PDE7B: variants seen among roughly 807,000 people sequenced by gnomAD.
PDE7B encodes phosphodiesterase 7B.
A neutral mutation model predicts 56.2 loss-of-function variants in PDE7B; 29 were observed. The observed-to-expected ratio is 0.52, with a 90% CI of 0.38 to 0.70. PDE7B has a LOEUF of 0.70. PDE7B is among the 30% of genes least tolerant of loss of function. PDE7B has a pLI of 0.00. For missense variants in PDE7B, 490 were observed against 565.0 expected (o/e 0.87, Z 1.35); for synonymous variants, 197 against 196.9 (o/e 1.00, Z 0.00).
chr6:135,980,067 A>G (rs952159872), intron 2 of PDE7B, among the ~76,000 whole-genome samples: 2 of 152,192 alleles, frequency 1.3e-5, no homozygotes, highest in African/African-American at 4.8e-5. Context: ...TAACCAAAAC[A>G]GCATGGTACT....
chr6:135,882,854 C>G lies in PDE7B; in HGVS notation c.21+30835C>G, dbSNP rs541984993. On this transcript the variant is annotated intron_variant, in intron 1 of 12. Transcript: ENST00000308191. The stretch of plus-strand genomic sequence containing the variant: ...AGACCTGAATATTTCACTAGATGGC[C>G]GGTAGTTTTATGGTTCCCATTATTA... Among the ~76,000 whole-genome samples the G allele has an allele frequency of 3.3e-3, 504 of 152,232 alleles. 3 individuals carry two copies. The highest frequency in any genetic ancestry group is 0.022 in the South Asian group (106 of 4,822).
chr6:136,137,357 A>G lies in PDE7B; in HGVS notation c.167-9994A>G, dbSNP rs537996758. 1.1e-4 allele frequency among the ~76,000 whole-genome samples: 17 copies of G among 152,276 alleles called. No homozygotes were observed. The South Asian group carries it at 3.5e-3, about 32-fold the overall frequency. On this transcript the variant is annotated intron_variant, in intron 3 of 12. Transcript: ENST00000308191. ...AAATTTTATTAGAATTACTAGCTCA[A>G]TAATTATCAAAGTAGGGCTTAATAA...
chr6:136,008,986 T>C (rs1450609185), intron 2 of PDE7B, among the ~76,000 whole-genome samples: 1 of 151,846 alleles, frequency 6.6e-6, no homozygotes, highest in African/African-American at 2.4e-5. Flanking sequence ...TTTAAGTCTT[T>C]AATCCATCTT....
intron 1 of PDE7B, among the ~76,000 whole-genome samples, chr6:135,916,392 C>CTTTTTTTTTTTTTTTTTTTTTTCTTTT (rs566408380): frequency 1.0e-5 from 1 of 96,346 alleles, no homozygotes; most frequent in Non-Finnish European, 1.9e-5. Context: ...TCTTTTCTTT[C>CTTTTTTTTTTTTTTTTTTTTTTCTTTT]TTTTTTTTTT....
At chr6:135,909,608 CAAATAAATAAATAAT>C (rs143122211) in intron 1 of PDE7B, among the ~76,000 whole-genome samples, 47,100 of 151,710 alleles carry the variant, frequency 0.31, 8,194 homozygotes, top group Middle Eastern at 0.42. Flanking sequence ...CCTGTCTCCA[CAAATAAATAAATAAT>C]AAATAAATAA....
intron 3 of PDE7B, among the ~76,000 whole-genome samples, chr6:136,118,756 A>G (rs1777879323): frequency 6.6e-6 from 1 of 152,174 alleles, no homozygotes; most frequent in Admixed American, 6.5e-5. Flanking sequence ...TTCCTTTTAA[A>G]TATTTTTTAT....
intron 2 of PDE7B, among the ~76,000 whole-genome samples, chr6:136,005,619 G>C (rs1459885926): frequency 6.6e-6 from 1 of 152,182 alleles, no homozygotes; most frequent in Non-Finnish European, 1.5e-5. Context: ...CACCTTCACT[G>C]GCCATCAGAG....
At chr6:135,857,387 A>G (rs1417786828) in intron 1 of PDE7B, among the ~76,000 whole-genome samples, 1 of 152,208 alleles carries the variant, frequency 6.6e-6, no homozygotes, top group East Asian at 1.9e-4. Context: ...GAAGTGCTCA[A>G]AAAAGGATTC....
At chr6:136,069,417 T>C (rs1777007684) in intron 2 of PDE7B, among the ~76,000 whole-genome samples, 1 of 152,184 alleles carries the variant, frequency 6.6e-6, no homozygotes, top group South Asian at 2.1e-4. Context: ...TAATCAGTAG[T>C]GAATGCATCC....
chr6:136,107,481 C>G lies in PDE7B; in HGVS notation c.83-1250C>G, dbSNP rs925849246. Among the ~76,000 whole-genome samples, 5 of 151,854 alleles carry G rather than the reference C, an allele frequency of 3.3e-5. No individual in the cohort carries two copies. The South Asian group carries it at 1.0e-3, about 31-fold the overall frequency. On this transcript the variant is annotated intron_variant, in intron 2 of 12. Coordinates refer to ENST00000308191, the MANE Select transcript of PDE7B (RefSeq NM_018945.4). ...CACTTAGAATCCACTAAGTACCAGA[C>G]AGCATTCAAAGTGCTATTATGGAGA...
At chr6:135,934,543 G>A (rs1233602093) in intron 1 of PDE7B, among the ~76,000 whole-genome samples, 2 of 150,612 alleles carry the variant, frequency 1.3e-5, no homozygotes, top group African/African-American at 2.4e-5. Flanking sequence ...TCTGGCCAAC[G>A]TGGTGAAACT....
At chr6:136,051,724 T>C (rs1053716745) in intron 2 of PDE7B, among the ~76,000 whole-genome samples, 4 of 152,248 alleles carry the variant, frequency 2.6e-5, no homozygotes, top group African/African-American at 9.6e-5. Flanking sequence ...TCTACGGCCA[T>C]GTAATGTCTT....
chr6:136,168,311 A>C (rs1778827480), intron 8 of PDE7B, among the ~76,000 whole-genome samples: 1 of 152,164 alleles, frequency 6.6e-6, no homozygotes, highest in Middle Eastern at 3.2e-3. Context: ...ATTGAACGTC[A>C]AGCTAAGGAA....
chr6:135,932,006 A>G (rs1024785283), intron 1 of PDE7B, among the ~76,000 whole-genome samples: 4 of 152,068 alleles, frequency 2.6e-5, no homozygotes, highest in Admixed American at 6.6e-5. Flanking sequence ...CTATTCCAAA[A>G]GCAGAGCCGA....
intron 2 of PDE7B, among the ~76,000 whole-genome samples, chr6:136,047,054 C>G (rs1416741960): frequency 6.6e-6 from 1 of 152,172 alleles, no homozygotes; most frequent in African/African-American, 2.4e-5. Context: ...AACATTATCT[C>G]TATCACACAC....
intron 1 of PDE7B, among the ~76,000 whole-genome samples, chr6:135,926,565 T>C (rs777989557): frequency 1.3e-5 from 2 of 152,014 alleles, no homozygotes; most frequent in African/African-American, 2.4e-5. Flanking sequence ...ACCCCGGGTA[T>C]AGGGAGAGCA....
chr6:135,855,044 TG>T (rs1775000637), intron 1 of PDE7B, among the ~76,000 whole-genome samples: 1 of 152,186 alleles, frequency 6.6e-6, no homozygotes, highest in African/African-American at 2.4e-5. Context: ...ACAGAGGTAG[TG>T]AACCAAGGTG....
At chr6:136,151,912 C>T (rs1361339128) in intron 6 of PDE7B, among the ~76,000 whole-genome samples, 1 of 151,874 alleles carries the variant, frequency 6.6e-6, no homozygotes, top group Non-Finnish European at 1.5e-5. Context: ...TGCACTCCAG[C>T]CTGGGCGACA....
At chr6:135,944,504 T>A (rs141137245) in intron 1 of PDE7B, among the ~76,000 whole-genome samples, 122 of 152,142 alleles carry the variant, frequency 8.0e-4, no homozygotes, top group African/African-American at 2.9e-3. Flanking sequence ...ATTAAAGAGC[T>A]AGTTAAAGGC....
Sources: allele counts gnomAD v4.1 joint callset (sites outside exome capture counted in the v4.1 genomes callset), GRCh38; gene constraint gnomAD v4.1.1; transcripts MANE v1.5; gene names NCBI Gene and HGNC (gene_info 2026-07-23, HGNC 2026-07-21).